Variants in OOSP3 observed in about 807,000 individuals in gnomAD.
The protein encoded by OOSP3 is oocyte secreted protein family member 3, also known as oocyte-secreted protein 3.
chr11:59,888,143 A>G (rs1853279283), intron 2 of OOSP3, among the ~76,000 whole-genome samples: 2 of 152,310 alleles, frequency 1.3e-5, no homozygotes, highest in South Asian at 4.1e-4. Context: ...ATTTTTGCAC[A>G]TTGATTTTGT....
chr11:59,880,242 A>G lies in OOSP3; in HGVS notation c.74-19A>G, dbSNP rs1336912133. On this transcript the variant is annotated intron_variant, in intron 1 of 4. Coordinates refer to ENST00000646438, the Ensembl canonical transcript of OOSP3. ...ATAAAATTGCTATCTAAATGTTTAA[A>G]AAAATTTTTTTTCAACAGTGTCAGT... is the stretch of plus-strand genomic sequence containing the variant. 2.5e-6 allele frequency: 1 copy of G among 398,348 alleles called. No homozygotes were observed. The highest frequency in any genetic ancestry group is 4.4e-6 in the Non-Finnish European group (1 of 226,010). 24.7% of individuals were successfully genotyped at this position (398,348 alleles called of 1,614,324 possible).
At chr11:59,886,766 A>C (rs1182086924) in intron 2 of OOSP3, among the ~76,000 whole-genome samples, 2 of 150,676 alleles carry the variant, frequency 1.3e-5, no homozygotes, top group African/African-American at 4.9e-5. Flanking sequence ...TATTTTGAGA[A>C]GTATCTGTTC....
At chr11:59,896,030 G>A (rs61678206) in intron 4 of OOSP3, 103 bp from the exon 5 acceptor site, 7,817 of 396,338 alleles carry the variant, frequency 0.02, 511 homozygotes, top group African/African-American at 0.14. Flanking sequence ...TAGGTTCTCC[G>A]TGTTCACTAG....
chr11:59,890,053 C>A (rs1853296846), intron 2 of OOSP3, among the ~76,000 whole-genome samples: 1 of 151,842 alleles, frequency 6.6e-6, no homozygotes, highest in South Asian at 2.1e-4. Context: ...TCTTTTTTGA[C>A]CTTTGTTGGT....
exon 4 of OOSP3, chr11:59,895,615 T>G: frequency 2.5e-6 from 1 of 398,452 alleles, no homozygotes; most frequent in African/African-American, 2.1e-5. Context: ...GCTAGCTTAT[T>G]TGGATTGACT....
At chr11:59,883,007 T>TA (rs1853218248) in intron 2 of OOSP3, among the ~76,000 whole-genome samples, 1 of 152,216 alleles carries the variant, frequency 6.6e-6, no homozygotes, top group Non-Finnish European at 1.5e-5. Flanking sequence ...GTTACTGCTG[T>TA]ACCTTTGTGT....
intron 1 of OOSP3, among the ~76,000 whole-genome samples, chr11:59,879,819 C>T (rs1049938812): frequency 8.5e-5 from 13 of 152,094 alleles, no homozygotes; most frequent in Non-Finnish European, 1.9e-4. Flanking sequence ...TGTCTCTTCA[C>T]CCACACGGGA....
chr11:59,894,761 A>G (rs1422013108), intron 3 of OOSP3, among the ~76,000 whole-genome samples: 2 of 152,180 alleles, frequency 1.3e-5, no homozygotes, highest in Admixed American at 6.5e-5. Flanking sequence ...CAGAGCTCAG[A>G]GGTGATTGTC....
intron 2 of OOSP3, among the ~76,000 whole-genome samples, chr11:59,883,223 C>A (rs1853220011): frequency 6.6e-6 from 1 of 152,226 alleles, no homozygotes; most frequent in East Asian, 1.9e-4. Context: ...AACTTCAATT[C>A]TTTCCTGGGA....
exon 5 of OOSP3, chr11:59,896,146 A>C (rs745649614): frequency 4.8e-5 from 19 of 398,320 alleles, no homozygotes; most frequent in East Asian, 2.1e-4. Context: ...GAGGCATCTC[A>C]TCAGTCACTT....
chr11:59,895,969 A>G (rs571087181), intron 4 of OOSP3, among the ~76,000 whole-genome samples, 164 bp from the exon 5 acceptor site: 8 of 152,370 alleles, frequency 5.3e-5, no homozygotes, highest in Non-Finnish European at 8.8e-5. Flanking sequence ...CAGACACTTG[A>G]ATAAAAATTT....
At chr11:59,884,832 T>A (rs1853237936) in intron 2 of OOSP3, among the ~76,000 whole-genome samples, 1 of 152,180 alleles carries the variant, frequency 6.6e-6, no homozygotes, top group African/African-American at 2.4e-5. Context: ...GAGATAGTTT[T>A]AATTTTCCTT....
At chr11:59,895,411 A>G (rs911380587) in intron 3 of OOSP3, 91 bp from the exon 4 acceptor site, 1 of 396,022 alleles carries the variant, frequency 2.5e-6, no homozygotes, top group Admixed American at 4.4e-5. Context: ...TAGAAGGAAA[A>G]AAAATGAATT....
intron 2 of OOSP3, among the ~76,000 whole-genome samples, chr11:59,884,449 TTGTCTGTC>T (rs1174429243): frequency 4.5e-4 from 63 of 139,762 alleles, no homozygotes; most frequent in African/African-American, 1.6e-3. Flanking sequence ...TCATGTCTGT[TTGTCTGTC>T]TGTCTGTCTG....
chr11:59,879,321 C>G (rs961195785), intron 1 of OOSP3, among the ~76,000 whole-genome samples: 9 of 152,134 alleles, frequency 5.9e-5, no homozygotes, highest in African/African-American at 2.2e-4. Flanking sequence ...CATTTTTTCT[C>G]CTTTCACTTC....
At chr11:59,880,305 C>T (rs1853187757) in exon 2 of OOSP3, 1 of 398,372 alleles carries the variant, frequency 2.5e-6, no homozygotes, top group Non-Finnish European at 4.4e-6. Context: ...TGTGGCTGAA[C>T]CAACTTTACT....
At chr11:59,878,786 G>A (rs994839932), upstream of OOSP3, 13 of 398,382 alleles carry the variant, frequency 3.3e-5, no homozygotes, top group Non-Finnish European at 4.9e-5. Context: ...TTTTTCAGGG[G>A]TCATTAGTTG....
chr11:59,895,407 G>GA (rs979455003), intron 3 of OOSP3, 95 bp from the exon 4 acceptor site: 47 of 393,156 alleles, frequency 1.2e-4, no homozygotes, highest in African/African-American at 8.3e-4. Context: ...AAAGTAGAAG[G>GA]AAAAAAAATG....
intron 1 of OOSP3, among the ~76,000 whole-genome samples, chr11:59,879,211 C>G (rs1348941682): frequency 1.3e-5 from 2 of 152,172 alleles, no homozygotes; most frequent in African/African-American, 2.4e-5. Context: ...ACCCTGATCT[C>G]CCACTCATAA....
Sources: allele counts gnomAD v4.1 joint callset (sites outside exome capture counted in the v4.1 genomes callset), GRCh38; gene constraint gnomAD v4.1.1; transcripts MANE v1.5; gene names NCBI Gene and HGNC (gene_info 2026-07-23, HGNC 2026-07-21).